PXDN: variants seen among roughly 807,000 people sequenced by gnomAD.
PXDN encodes peroxidasin.
Under a neutral mutation model 140.3 loss-of-function variants are expected in PXDN, and 77 were observed. The observed-to-expected ratio is 0.55, with a 90% CI of 0.46 to 0.66. The LOEUF (loss-of-function observed/expected upper bound fraction) is 0.66, where lower values mean the gene tolerates loss of function less well. PXDN is among the 30% of genes least tolerant of loss of function. The probability of loss-of-function intolerance (pLI) is 0.00; values close to 1 mark genes in which losing one functional copy is unlikely to be tolerated. For missense variants in PXDN, 1,838 were observed against 2,039.5 expected (o/e 0.90, Z 1.90); for synonymous variants, 911 against 857.4 (o/e 1.06, Z -1.09).
At chr2:1,656,826 C>T (rs867991537) in intron 14 of PXDN, among the ~76,000 whole-genome samples, 3 of 149,316 alleles carry the variant, frequency 2.0e-5, no homozygotes, top group African/African-American at 7.4e-5. Context: ...TGGACAGGGA[C>T]CGAAACCTGT....
At chr2:1,686,374 C>T (rs149450229) in intron 4 of PXDN, among the ~76,000 whole-genome samples, 67 of 152,304 alleles carry the variant, frequency 4.4e-4, no homozygotes, top group African/African-American at 1.6e-3. Context: ...TTTCAGCAAA[C>T]ATCTACTTGG....
In PXDN at chr2:1,685,955, A is replaced by G. The variant is rs996904686; in HGVS notation, c.416+1677T>C. On this transcript the variant is annotated intron_variant, in intron 4 of 22. Transcript: ENST00000252804. This position sits in a 1 kb window ranked among gnomAD's most constrained non-coding sequence, Gnocchi z 5.1. Reference sequence around the variant, plus strand: ...TTCTGACCTGTGTCCACAGCTTCCCAAAGAGCCTTCTTTCTGGATCAGGGA... The same window carrying G: ...TTCTGACCTGTGTCCACAGCTTCCCGAAGAGCCTTCTTTCTGGATCAGGGA... Among the ~76,000 whole-genome samples the G allele has an allele frequency of 2.0e-5, 3 of 152,150 alleles. No homozygotes were observed. The highest frequency in any genetic ancestry group is 4.4e-5 in the Non-Finnish European group (3 of 68,018).
intron 5 of PXDN, 62 bp downstream of exon 5, chr2:1,684,018 C>T: frequency 6.9e-7 from 1 of 1,457,580 alleles, no homozygotes; most frequent in Admixed American, 2.0e-5. Context: ...TTAATCTAAC[C>T]AAGCCAGTGA....
Position 1,689,434 on chromosome 2 carries a change from C to T in PXDN, c.345-1731G>A, listed in dbSNP as rs190742808. ...ACACAGGACAACTGAATCAAACTAA[C>T]ATGTGTGAATGTGTGTTTATAAAGA... On this transcript the variant is annotated intron_variant, in intron 3 of 22. Transcript: ENST00000252804. Among the ~76,000 whole-genome samples, 353 of 152,290 alleles carry T rather than the reference C, an allele frequency of 2.3e-3. 3 individuals carry two copies. The Middle Eastern group carries it at 0.031, about 13-fold the overall frequency.
chr2:1,663,545 T>C, intron 12 of PXDN, 60 bp downstream of exon 12: 1 of 1,585,416 alleles, frequency 6.3e-7, no homozygotes, highest in Non-Finnish European at 8.6e-7. Flanking sequence ...TGCGGAATTC[T>C]GTGTTTCCTG....
At chr2:1,675,187 G>T (rs941439978) in intron 8 of PXDN, among the ~76,000 whole-genome samples, 1 of 152,076 alleles carries the variant, frequency 6.6e-6, no homozygotes, top group African/African-American at 2.4e-5. Context: ...GAAACACGGC[G>T]AGCCAGCAGG....
intron 1 of PXDN, among the ~76,000 whole-genome samples, chr2:1,722,759 G>A (rs1323894258): frequency 6.6e-6 from 1 of 152,204 alleles, no homozygotes; most frequent in African/African-American, 2.4e-5. Context: ...TATGGGAGGG[G>A]GGTACGAGGA....
chr2:1,701,812 G>C (rs768035305), intron 1 of PXDN, among the ~76,000 whole-genome samples: 12 of 152,182 alleles, frequency 7.9e-5, no homozygotes, highest in Non-Finnish European at 1.6e-4. Flanking sequence ...GGTGCCCCCA[G>C]GGTGGGATGA....
At chr2:1,698,155 G>T (rs2125454953) in intron 1 of PXDN, among the ~76,000 whole-genome samples, 1 of 152,326 alleles carries the variant, frequency 6.6e-6, no homozygotes, top group Middle Eastern at 3.4e-3. Context: ...GTAAGCAGCG[G>T]TGAACAAGGT....
rs375325016 is a variant in PXDN, at chr2:1,649,047, G to A, written c.2733C>T (p.Asp911=). 27 of 1,612,504 alleles carry A rather than the reference G, an allele frequency of 1.7e-5. No homozygotes were observed. The Admixed American group carries it at 2.5e-4, about 15-fold the overall frequency. ...EQINQLTSYI[D]ASNVYGSTEH... Reference sequence around the variant, plus strand: ...CCGTGCTCCCGTACACGTTGGATGCGTCTATGTAGGAGGTGAGCTGGTTGA... The same window carrying A: ...CCGTGCTCCCGTACACGTTGGATGCATCTATGTAGGAGGTGAGCTGGTTGA... Residue 911 remains aspartate, a synonymous_variant, in exon 17 of 23, where the codon GAC becomes GAT. Transcript: ENST00000252804. This position sits in a 1 kb window ranked among gnomAD's most constrained non-coding sequence, Gnocchi z 7.1.
chr2:1,734,650 C>T (rs973276803), intron 1 of PXDN, among the ~76,000 whole-genome samples: 44 of 152,260 alleles, frequency 2.9e-4, no homozygotes, highest in African/African-American at 9.9e-4. Context: ...GGGCGGATCA[C>T]GAGGTCAAGA....
intron 1 of PXDN, among the ~76,000 whole-genome samples, chr2:1,717,898 C>A (rs1028682559): frequency 6.6e-6 from 1 of 151,626 alleles, no homozygotes; most frequent in African/African-American, 2.4e-5. Context: ...ACCTGCCCTA[C>A]CCACTAACCG....
At chr2:1,674,283 C>T (rs1173738689) in intron 8 of PXDN, among the ~76,000 whole-genome samples, 1 of 152,234 alleles carries the variant, frequency 6.6e-6, no homozygotes, top group African/African-American at 2.4e-5. Context: ...AACCATTGCT[C>T]ACTGCAGCCT....
intron 1 of PXDN, among the ~76,000 whole-genome samples, chr2:1,716,775 C>T (rs1445016696): frequency 1.3e-5 from 2 of 152,162 alleles, no homozygotes; most frequent in Non-Finnish European, 1.5e-5. Context: ...CAGGGGTAAC[C>T]GCTCCAGACA....
chr2:1,635,937 C>T (rs1682546725), intron 21 of PXDN: 1 of 332,820 alleles, frequency 3.0e-6, no homozygotes, highest in Non-Finnish European at 5.8e-6. Context: ...GGCCCCATAA[C>T]AAGGTGACCT....
Position 1,648,927 on chromosome 2 carries a change from G to T in PXDN, c.2853C>A (p.Phe951Leu). 6.2e-7 allele frequency: 1 copy of T among 1,603,268 alleles called. No homozygotes were observed. The highest frequency in any genetic ancestry group is 2.2e-5 in the East Asian group (1 of 44,566). ...VQRSGKPLLP[F>L]ATGPPTECMR... ...TGCACTCCGTGGGCGGCCCGGTGGC[G>T]AAGGGGAGCAGCGGCTTCCCGGACC... is the stretch of plus-strand genomic sequence containing the variant. Residue 951 changes from phenylalanine (F) to leucine (L), a missense_variant, in exon 17 of 23, where the codon TTC becomes TTA. By Grantham distance (22) the Phe-to-Leu change is conservative (BLOSUM62 0). This residue lies in a region of PXDN where 850 missense variants were observed against 894.1 expected (regional missense o/e 0.95). Coordinates refer to ENST00000252804, the MANE Select transcript of PXDN (RefSeq NM_012293.3). This position sits in a 1 kb window ranked among gnomAD's most constrained non-coding sequence, Gnocchi z 8.9.
chr2:1,658,058 CTCTCTCTCT>C (rs1683199029), intron 14 of PXDN, among the ~76,000 whole-genome samples: 3 of 126,814 alleles, frequency 2.4e-5, no homozygotes, highest in Non-Finnish European at 1.7e-5. Context: ...CTCTCTCTCT[CTCTCTCTCT>C]CTCTCTCTCT....
chr2:1,638,718 G>C (rs769015161), intron 21 of PXDN, 128 bp downstream of exon 21: 89 of 1,420,130 alleles, frequency 6.3e-5, no homozygotes, highest in Non-Finnish European at 7.5e-5. Flanking sequence ...CAAGGCTCCA[G>C]GGTCTGGGTC....
At position 1,639,557 on chromosome 2, in the gene PXDN, T is replaced by C; in HGVS notation, c.3953-135A>G. On this transcript the variant is annotated intron_variant, in intron 19 of 22. Transcript: ENST00000252804. This position sits in a 1 kb window ranked among gnomAD's most constrained non-coding sequence, Gnocchi z 5.0. ...TGTGGCACATTTCAGTGAGGCAACC[T>C]GGCAGCTGGTCTGCGGCTCTTACCC... The C allele has an allele frequency of 7.6e-7, 1 of 1,312,722 alleles. No homozygotes were observed. Among genetic ancestry groups the C allele is most frequent in the Non-Finnish European group, 1.1e-6 (1 of 943,340 alleles). The allele number at this position is 1,312,722 out of a possible 1,614,324, so 81.3% of individuals were successfully genotyped here.
Sources: allele counts gnomAD v4.1 joint callset (sites outside exome capture counted in the v4.1 genomes callset), GRCh38; gene constraint gnomAD v4.1.1; regional missense constraint gnomAD v4.1.1; non-coding constraint Gnocchi (gnomAD v3.1); transcripts MANE v1.5; gene names NCBI Gene and HGNC (gene_info 2026-07-23, HGNC 2026-07-21).